Variants in LMO7 observed in about 807,000 individuals in gnomAD.
The protein encoded by LMO7 is LIM domain only protein 7.
Under a neutral mutation model 206.5 loss-of-function variants are expected in LMO7, and 120 were observed. The ratio of observed to expected loss-of-function variants is 0.58; its 90% CI spans 0.50 to 0.68. The LOEUF is 0.68. LMO7 is among the 30% of genes least tolerant of loss of function. The pLI, the probability that LMO7 is intolerant of heterozygous loss-of-function variation, is 0.00. For synonymous variants in LMO7, 706 were observed against 681.5 expected, an observed-to-expected ratio of 1.04 and a Z score of -0.56; for missense variants, 1,959 against 1,957.9, an observed-to-expected ratio of 1.00 and a Z score of -0.01.
chr13:75,805,908 AT>A, intron 9 of LMO7, 148 bp downstream of exon 9: 1 of 1,124,140 alleles, frequency 8.9e-7, no homozygotes, highest in Non-Finnish European at 1.3e-6. Flanking sequence ...ATGGAAATGA[AT>A]TTCTGTTTAA....
rs545383593 is a variant in LMO7, at chr13:75,803,157, C to T, written c.662-1132C>T. Among the ~76,000 whole-genome samples, 5 of 152,304 alleles carry T rather than the reference C, an allele frequency of 3.3e-5. No individual in the cohort carries two copies. In the South Asian group the frequency reaches 6.2e-4, roughly 19 times the overall value. On this transcript the variant is annotated intron_variant, in intron 7 of 30. Transcript: ENST00000377534. ...CTACTACTCCTCATGGTCACAGCTG[C>T]GTTTACTTTCCCTCTTTTGCCAAGA...
chr13:75,825,946 A>T (rs1229051255), intron 15 of LMO7, among the ~76,000 whole-genome samples: 1 of 152,032 alleles, frequency 6.6e-6, no homozygotes, highest in Admixed American at 6.6e-5. Flanking sequence ...TCTCTTTCAT[A>T]CCTTGGACTT....
At chr13:75,688,371 T>A (rs997803208) in intron 1 of LMO7, among the ~76,000 whole-genome samples, 1 of 152,190 alleles carries the variant, frequency 6.6e-6, no homozygotes, top group Admixed American at 6.5e-5. Flanking sequence ...GAAAGCTCCA[T>A]TTCATTCACT....
In LMO7 at chr13:75,808,134, G is replaced by A. The variant is rs532994629; in HGVS notation, c.1851G>A (p.Leu617=). 5.5e-5 allele frequency: 89 copies of A among 1,613,892 alleles called. No homozygotes were observed. The East Asian group carries it at 1.9e-3, about 34-fold the overall frequency. Residue 617 remains leucine, a synonymous_variant, in exon 10 of 31, where the codon TTG becomes TTA. Transcript: ENST00000377534. ...FTPGPCSEAD[L]KRWEAIREAS... is the part of the protein sequence containing the mutation. ...CTGGCCCCTGCAGTGAGGCTGACTT[G>A]AAGAGATGGGAGGCCATCCGGGAGG...
chr13:75,824,780 G>GTA (rs909254434), intron 15 of LMO7, among the ~76,000 whole-genome samples: 29 of 151,896 alleles, frequency 1.9e-4, no homozygotes, highest in African/African-American at 7.0e-4. Flanking sequence ...TTAAGTATGT[G>GTA]TATATATATG....
chr13:75,641,627 A>G (rs2036537935), intron 1 of LMO7, among the ~76,000 whole-genome samples: 2 of 151,872 alleles, frequency 1.3e-5, no homozygotes, highest in Non-Finnish European at 2.9e-5. Context: ...CTTAATGCCT[A>G]TTTGTTTCTT....
chr13:75,708,953 C>G (rs566618236), intron 1 of LMO7, among the ~76,000 whole-genome samples: 3 of 152,068 alleles, frequency 2.0e-5, no homozygotes, highest in African/African-American at 4.8e-5. Flanking sequence ...CCCGCTCCCC[C>G]CACCCCACAA....
chr13:75,671,217 T>C (rs565933601), intron 1 of LMO7, among the ~76,000 whole-genome samples: 1 of 152,096 alleles, frequency 6.6e-6, no homozygotes, highest in South Asian at 2.1e-4. Flanking sequence ...ACCTTTTTTT[T>C]TTTTAATAAG....
chr13:75,748,952 C>T (rs552088711), intron 3 of LMO7, among the ~76,000 whole-genome samples: 32 of 152,044 alleles, frequency 2.1e-4, no homozygotes, highest in Admixed American at 3.3e-4. Context: ...GCTGGGACTA[C>T]AGGCACTGGC....
At chr13:75,673,715 T>A (rs939712569) in intron 1 of LMO7, among the ~76,000 whole-genome samples, 1 of 152,254 alleles carries the variant, frequency 6.6e-6, no homozygotes, top group African/African-American at 2.4e-5. Flanking sequence ...ACCATCTTTA[T>A]TATATACTGT....
intron 1 of LMO7, among the ~76,000 whole-genome samples, chr13:75,658,619 T>C (rs1467092411): frequency 6.6e-6 from 1 of 152,246 alleles, no homozygotes; most frequent in Non-Finnish European, 1.5e-5. Context: ...AATCTCGCTC[T>C]GTCGCCCAGG....
At position 75,621,938 on chromosome 13, in the gene LMO7, G is replaced by A. The variant is rs954538556; in HGVS notation, c.175+70G>A. ...AACTAAGGCAGAGCATCTCCATTTG[G>A]CTTTTCTTTAGGAACACATGTAGGT... On this transcript the variant is annotated intron_variant, in intron 1 of 29. Transcript: ENST00000341547. 5 of 1,220,210 alleles carry A rather than the reference G, an allele frequency of 4.1e-6. No homozygotes were observed. The African/African-American group carries it at 7.8e-5, about 19-fold the overall frequency. 75.6% of individuals were successfully genotyped at this position (1,220,210 alleles called of 1,614,324 possible). A position where few individuals can be genotyped will look rare whatever the true frequency, so the allele number is the denominator to read the frequency against.
intron 4 of LMO7, among the ~76,000 whole-genome samples, chr13:75,782,712 T>C (rs138127232): frequency 4.6e-5 from 7 of 152,324 alleles, no homozygotes; most frequent in African/African-American, 1.7e-4. Context: ...TCTTTCTGTC[T>C]CTTCTAGGGA....
chr13:75,763,701 C>T (rs746777332), intron 4 of LMO7, among the ~76,000 whole-genome samples: 12 of 152,184 alleles, frequency 7.9e-5, no homozygotes, highest in Middle Eastern at 3.4e-3. Context: ...CTAATCATGA[C>T]GCATACTGAG....
At chr13:75,640,308 C>G (rs1031713437) in intron 1 of LMO7, among the ~76,000 whole-genome samples, 1 of 152,160 alleles carries the variant, frequency 6.6e-6, no homozygotes, top group African/African-American at 2.4e-5. Flanking sequence ...CTCTTAATCT[C>G]CCCTGGTAGT....
At chr13:75,727,781 C>T (rs1191257297) in intron 3 of LMO7, among the ~76,000 whole-genome samples, 1 of 149,064 alleles carries the variant, frequency 6.7e-6, no homozygotes, top group African/African-American at 2.5e-5. Context: ...CCCCCTCCCC[C>T]AACCCCACAA....
chr13:75,838,029 T>A, intron 19 of LMO7, 111 bp from the exon 20 acceptor site: 1 of 661,426 alleles, frequency 1.5e-6, no homozygotes. Context: ...AGTTTTGTGA[T>A]CTTTTAAAAT....
At chr13:75,844,640 C>G (rs1352991400) in intron 25 of LMO7, among the ~76,000 whole-genome samples, 1 of 152,014 alleles carries the variant, frequency 6.6e-6, no homozygotes, top group Non-Finnish European at 1.5e-5. Context: ...AACTCCTGAC[C>G]TCAAGTGATC....
rs368941555 is a variant in LMO7 at position 75,759,064 on chromosome 13, A to G, written c.211-1868A>G. 1.3e-4 allele frequency among the ~76,000 whole-genome samples: 20 copies of G among 152,318 alleles called. No homozygotes were observed. The South Asian group carries it at 3.9e-3, about 30-fold the overall frequency. ...AGTCATGGGGGAAGGGGAGGCAGAC[A>G]TGTCTTACATGGTGACAGGTGAGAG... On this transcript the variant is annotated intron_variant, in intron 3 of 30. Coordinates refer to ENST00000377534, the MANE Select transcript of LMO7 (RefSeq NM_001306080.2).
Sources: allele counts gnomAD v4.1 joint callset (sites outside exome capture counted in the v4.1 genomes callset), GRCh38; gene constraint gnomAD v4.1.1; transcripts MANE v1.5; gene names NCBI Gene and HGNC (gene_info 2026-07-23, HGNC 2026-07-21).